Variants in SLC2A1 observed in about 807,000 individuals in gnomAD.
SLC2A1 encodes the protein solute carrier family 2, facilitated glucose transporter member 1.
In SLC2A1, 4 loss-of-function variants were observed where a neutral mutation model predicts 46.6. The observed-to-expected ratio is 0.09, with a 90% CI of 0.04 to 0.20. The LOEUF is 0.20. Among genes scored for constraint, SLC2A1 ranks in the 10% least tolerant of loss-of-function variants. SLC2A1 has a pLI of 1.00. For synonymous variants in SLC2A1, 253 were observed against 270.0 expected, an observed-to-expected ratio of 0.94 and a Z score of 0.62; for missense variants, 352 against 667.0, an observed-to-expected ratio of 0.53 and a Z score of 5.20.
chr1:42,957,559 G>A (rs931654980), intron 1 of SLC2A1, among the ~76,000 whole-genome samples: 1 of 152,074 alleles, frequency 6.6e-6, no homozygotes, highest in Non-Finnish European at 1.5e-5. Context: ...AGATAAAGAG[G>A]GACCGTTTCA....
At chr1:42,950,133 A>G (rs1643704551) in intron 1 of SLC2A1, among the ~76,000 whole-genome samples, 1 of 152,250 alleles carries the variant, frequency 6.6e-6, no homozygotes, top group Admixed American at 6.5e-5. Context: ...GAAAAAAAAG[A>G]CAATGACTAA....
intron 2 of SLC2A1, among the ~76,000 whole-genome samples, chr1:42,935,683 C>T (rs1643535806): frequency 6.6e-6 from 1 of 152,294 alleles, no homozygotes. Context: ...CTCGGCTGCT[C>T]CTGGCAGAGG....
At chr1:42,938,155 C>T (rs188697479) in intron 2 of SLC2A1, among the ~76,000 whole-genome samples, 29 of 152,282 alleles carry the variant, frequency 1.9e-4, no homozygotes, top group Middle Eastern at 3.4e-3. Context: ...AGGCAGTGCT[C>T]GGATGAGCCC....
chr1:42,952,004 A>G, intron 1 of SLC2A1: 1 of 412,754 alleles, frequency 2.4e-6, no homozygotes, highest in Non-Finnish European at 4.3e-6. Flanking sequence ...GGGCATCCTC[A>G]CTGGTCAGGG....
At chr1:42,952,357 C>CA (rs1291585889) in intron 1 of SLC2A1, 1 of 476,978 alleles carries the variant, frequency 2.1e-6, no homozygotes, top group Non-Finnish European at 4.2e-6. Context: ...CTCAGGCCCA[C>CA]ACTCAGCCTA....
In SLC2A1 at chr1:42,927,574, G is replaced by GGGTGAGAGAT; in HGVS notation, c.1278+30_1278+31insATCTCTCACC. 1 of 1,570,670 alleles carries GGGTGAGAGAT rather than the reference G, an allele frequency of 6.4e-7. No homozygotes were observed. The highest frequency in any genetic ancestry group is 1.1e-5 in the South Asian group (1 of 89,854). On this transcript the variant is annotated intron_variant, in intron 9 of 9. Transcript: ENST00000426263. The surrounding 1 kb of genome is among the most constrained non-coding windows in gnomAD (Gnocchi z 5.3). ...CACAGCACTGTGGGGTCATGCGTGC[G>GGGTGAGAGAT]GGTGAGTATAGAGACAGTGGGGGTT...
At chr1:42,934,237 C>T (rs746897923) in intron 2 of SLC2A1, among the ~76,000 whole-genome samples, 21 of 152,148 alleles carry the variant, frequency 1.4e-4, no homozygotes, top group Non-Finnish European at 2.1e-4. Flanking sequence ...CCAACCTTGT[C>T]CAGGGCTGGC....
chr1:42,952,298 C>A, intron 1 of SLC2A1: 1 of 443,432 alleles, frequency 2.3e-6, no homozygotes, highest in Non-Finnish European at 4.6e-6. Flanking sequence ...GGCTTCTAGG[C>A]AGCACTGTGT....
chr1:42,955,267 G>A (rs1195130803), intron 1 of SLC2A1, among the ~76,000 whole-genome samples: 7 of 152,232 alleles, frequency 4.6e-5, no homozygotes, highest in Admixed American at 6.5e-5. Context: ...CTGTAATGAT[G>A]AAAACTGGGC....
At position 42,954,983 on chromosome 1, in the gene SLC2A1, T is replaced by G. The variant is rs975049220; in HGVS notation, c.18+3651A>C. Among the ~76,000 whole-genome samples the G allele has an allele frequency of 2.0e-5, 3 of 152,218 alleles. No homozygotes were observed. Among genetic ancestry groups the G allele is most frequent in the Non-Finnish European group, 4.4e-5 (3 of 68,038 alleles). ...CTCCCTGGCCTGGCACTCTCACCCATGTGCCATGCCTACTCACTTCCCAAC... is the reference window on the plus strand; with the variant it reads ...CTCCCTGGCCTGGCACTCTCACCCAGGTGCCATGCCTACTCACTTCCCAAC... On this transcript the variant is annotated intron_variant, in intron 1 of 9. Transcript: ENST00000426263. This position sits in a 1 kb window ranked among gnomAD's most constrained non-coding sequence, Gnocchi z 4.2.
chr1:42,958,863 C>A lies in SLC2A1; in HGVS notation c.-212G>T, dbSNP rs1164955296. 1.8e-6 allele frequency: 1 copy of A among 546,222 alleles called. No homozygotes were observed. The highest frequency in any genetic ancestry group is 3.3e-5 in the Admixed American group (1 of 30,738). The allele number at this position is 546,222 out of a possible 1,614,324, so 33.8% of individuals were successfully genotyped here. On this transcript the variant is annotated 5_prime_UTR_variant, in exon 1 of 10. Coordinates refer to ENST00000426263, the MANE Select transcript of SLC2A1 (RefSeq NM_006516.4). ...GCACGCTCGCTGTTGCTACCTCTTG[C>A]CTCTTGCCAGAGAGCGCGCGGACCG...
At position 42,927,334 on chromosome 1, in the gene SLC2A1, G is replaced by T; in HGVS notation, c.1279-93C>A. 1.7e-6 allele frequency: 2 copies of T among 1,198,420 alleles called. No individual in the cohort carries two copies. The highest frequency in any genetic ancestry group is 2.5e-6 in the Non-Finnish European group (2 of 816,320). The allele number at this position is 1,198,420 out of a possible 1,614,324, so 74.2% of individuals were successfully genotyped here. Reference sequence around the variant, plus strand: ...AGTCACTTTACCTTTGGGCCTTTGAGCTGAAAAGGGAACATCCACCTACCC... The same window carrying T: ...AGTCACTTTACCTTTGGGCCTTTGATCTGAAAAGGGAACATCCACCTACCC... On this transcript the variant is annotated intron_variant, in intron 9 of 9. Transcript: ENST00000426263. The surrounding 1 kb of genome is among the most constrained non-coding windows in gnomAD (Gnocchi z 5.3).
At chr1:42,932,913 G>A (rs1208500768) in intron 2 of SLC2A1, among the ~76,000 whole-genome samples, 1 of 152,242 alleles carries the variant, frequency 6.6e-6, no homozygotes, top group African/African-American at 2.4e-5. Context: ...GTAGGGCAGA[G>A]GCAAGCCCTA....
Position 42,931,104 on chromosome 1 carries a change from A to G in SLC2A1, c.217T>C (p.Ser73Pro). 1 of 1,614,098 alleles carries G rather than the reference A, an allele frequency of 6.2e-7. No individual in the cohort carries two copies. The highest frequency in any genetic ancestry group is 8.5e-7 in the Non-Finnish European group (1 of 1,180,010). ...TLWSLSVAIF[S>P]VGGMIGSFSV... ...AAGGAGCCAATCATGCCCCCAACAG[A>G]AAAGATGGCCACTGAGAGGGACCAG... The change falls in exon 3 of 10, where the codon TCT becomes CCT. Residue 73 changes from serine to proline, a missense_variant. Ser to Pro is a moderately conservative substitution (Grantham distance 74, BLOSUM62 -1). Around this residue, in one of 5 missense-constraint regions of SLC2A1, gnomAD observed 97 missense variants for 175.6 expected, o/e 0.55. Coordinates refer to ENST00000426263, the MANE Select transcript of SLC2A1 (RefSeq NM_006516.4).
chr1:42,927,123 C>T lies in SLC2A1; in HGVS notation c.1397G>A (p.Gly466Asp), dbSNP rs1225304808. Reference protein sequence around the residue: ...KGRTFDEIASGFRQGGASQSD... With the variant: ...KGRTFDEIASDFRQGGASQSD... ...TTGGCTGGCTCCCCCCTGCCGGAAG[C>T]CGGAAGCGATCTCATCGAAGGTCCG... The change falls in exon 10 of 10, where the codon GGC (glycine) becomes GAC (aspartate). Residue 466 changes from glycine (G) to aspartate (D), a missense_variant. This residue lies in a region of SLC2A1 where 41 missense variants were observed against 49.1 expected (regional missense o/e 0.83). Transcript: ENST00000426263. This position sits in a 1 kb window ranked among gnomAD's most constrained non-coding sequence, Gnocchi z 5.3. 1 of 1,614,070 alleles carries T rather than the reference C, an allele frequency of 6.2e-7. No individual in the cohort carries two copies. Among genetic ancestry groups the T allele is most frequent in the Non-Finnish European group, 8.5e-7 (1 of 1,180,054 alleles).
At chr1:42,953,542 A>G (rs1308829981) in intron 1 of SLC2A1, among the ~76,000 whole-genome samples, 1 of 152,218 alleles carries the variant, frequency 6.6e-6, no homozygotes, top group African/African-American at 2.4e-5. Context: ...AGACTGAGTG[A>G]GCGGCTTTAT....
chr1:42,943,231 G>C lies in SLC2A1; in HGVS notation c.109C>G (p.Gln37Glu), dbSNP rs770013950. The C allele has an allele frequency of 1.9e-6, 3 of 1,608,764 alleles. No homozygotes were observed. The South Asian group carries it at 3.3e-5, about 18-fold the overall frequency. Residue 37 changes from glutamine to glutamate, a missense_variant, in exon 2 of 10, where the codon CAG becomes GAG. Physicochemically the swap from Gln to Glu is conservative, Grantham distance 29 (BLOSUM62 2). Coordinates refer to ENST00000426263, the MANE Select transcript of SLC2A1 (RefSeq NM_006516.4). ...AACGATGGCACAGTACTCACCTTCT[G>C]GGGGGCATTGATGACTCCAGTGTTG... ...GYNTGVINAPQKVIEEFYNQT... is the reference protein window; with the variant it reads ...GYNTGVINAPEKVIEEFYNQT...
At position 42,926,839 on chromosome 1, in the gene SLC2A1, G is replaced by T; in HGVS notation, c.*202C>A. On this transcript the variant is annotated 3_prime_UTR_variant, in exon 10 of 10. Transcript: ENST00000426263. The stretch of plus-strand genomic sequence containing the variant: ...ACCTGTTGCTTGTCTGAATAGATTT[G>T]AGCAACAGTCTTGCTTTTGTTAAAA... 1 of 1,480,520 alleles carries T rather than the reference G, an allele frequency of 6.8e-7. No individual in the cohort carries two copies. The highest frequency in any genetic ancestry group is 8.9e-7 in the Non-Finnish European group (1 of 1,121,322). 91.7% of individuals were successfully genotyped at this position (1,480,520 alleles called of 1,614,324 possible).
rs187499821 is a variant in SLC2A1 at position 42,942,289 on chromosome 1, C to G, written c.114+937G>C. ...ACCTTGGGCCTGTCGGCCATTTCAT[C>G]TGCCTGGGCCTCAGTTTCCGGGTCT... On this transcript the variant is annotated intron_variant, in intron 2 of 9. Transcript: ENST00000426263. Among the ~76,000 whole-genome samples, 20 of 152,348 alleles carry G rather than the reference C, an allele frequency of 1.3e-4. No homozygotes were observed. The East Asian group carries it at 3.5e-3, about 26-fold the overall frequency.
Sources: gnomAD v4.1 joint callset for allele counts (sites outside exome capture counted in the v4.1 genomes callset) on GRCh38, gnomAD v4.1.1 for gene constraint, gnomAD v4.1.1 regional missense constraint, Gnocchi (gnomAD v3.1) non-coding constraint, MANE v1.5 for transcripts, NCBI Gene and HGNC (gene_info 2026-07-23, HGNC 2026-07-21) for gene names.